DBF4: variants seen among roughly 807,000 people sequenced by gnomAD.
DBF4 encodes the protein DBF4-CDC7 kinase regulatory subunit.
DBF4 carries 25 observed loss-of-function variants against 76.6 expected under a neutral mutation model. The observed-to-expected ratio is 0.33, with a 90% confidence interval of 0.24 to 0.46. The LOEUF (loss-of-function observed/expected upper bound fraction) is 0.46. Among genes scored for constraint, DBF4 ranks in the 20% least tolerant of loss-of-function variants. DBF4 has a pLI of 1.00. For synonymous variants in DBF4, 213 were observed against 258.0 expected, an observed-to-expected ratio of 0.83 and a Z score of 1.67; for missense variants, 638 against 760.8, an observed-to-expected ratio of 0.84 and a Z score of 1.90.
intron 4 of DBF4, 55 bp from the exon 5 acceptor site, chr7:87,887,274 T>G (rs921415114): frequency 8.7e-6 from 11 of 1,261,672 alleles, no homozygotes; most frequent in Middle Eastern, 2.0e-4. Flanking sequence ...TTTATTAAAA[T>G]TTAGCTCATC....
At chr7:87,899,029 A>G (rs2131068870) in intron 8 of DBF4, among the ~76,000 whole-genome samples, 1 of 152,276 alleles carries the variant, frequency 6.6e-6, no homozygotes, top group Non-Finnish European at 1.5e-5. Context: ...TGTTGAGAAA[A>G]CTAGATATAC....
chr7:87,893,472 C>T (rs1309704075), intron 6 of DBF4, among the ~76,000 whole-genome samples: 1 of 151,702 alleles, frequency 6.6e-6, no homozygotes, highest in East Asian at 1.9e-4. Flanking sequence ...GTCTCGATCT[C>T]CTGACCTCAT....
intron 11 of DBF4, among the ~76,000 whole-genome samples, chr7:87,905,545 C>T (rs1053661944): frequency 1.3e-5 from 2 of 152,106 alleles, no homozygotes; most frequent in Non-Finnish European, 2.9e-5. Flanking sequence ...CAGTACTGCT[C>T]AATGTACACC....
At chr7:87,886,535 CAAAAAAAAAAAAAA>C (rs11411808) in intron 3 of DBF4, among the ~76,000 whole-genome samples, 1 of 54,238 alleles carries the variant, frequency 1.8e-5, no homozygotes, top group Non-Finnish European at 3.5e-5. Context: ...ACTTTGTCTC[CAAAAAAAAAAAAAA>C]AAAAAAAAAG....
Position 87,876,641 on chromosome 7 carries a change from G to A in DBF4, c.-92G>A. On this transcript the variant is annotated 5_prime_UTR_variant, in exon 1 of 12. Coordinates refer to ENST00000265728, the MANE Select transcript of DBF4 (RefSeq NM_006716.4). ...AGCTGGCGGAAGGAGAGAGGCGGCC[G>A]TCCTGTCAACAGGCCGGGGGAAGCC... 1 of 1,420,534 alleles carries A rather than the reference G, an allele frequency of 7.0e-7. No homozygotes were observed. The highest frequency in any genetic ancestry group is 9.8e-7 in the Non-Finnish European group (1 of 1,023,988). 88.0% of individuals were successfully genotyped at this position (1,420,534 alleles called of 1,614,324 possible).
At chr7:87,888,507 A>T in intron 6 of DBF4, 2 of 171,090 alleles carry the variant, frequency 1.2e-5, no homozygotes, top group Non-Finnish European at 2.3e-5. Flanking sequence ...ATTGGTTGTT[A>T]ACGTTCTGTT....
Position 87,908,049 on chromosome 7 carries a change from C to T in DBF4, c.1911C>T (p.Tyr637=). 1 of 1,613,702 alleles carries T rather than the reference C, an allele frequency of 6.2e-7. No homozygotes were observed. The highest frequency in any genetic ancestry group is 2.2e-5 in the East Asian group (1 of 44,840). ...CAGAATTTTTGGGTTTCACAAGCTA[C>T]ACAGAAAAGAGTGGTATATGCAATG... ...EKSEFLGFTS[Y]TEKSGICNVL... The change falls in exon 12 of 12, where the codon TAC becomes TAT. Residue 637 remains tyrosine, a synonymous_variant. Transcript: ENST00000265728.
chr7:87,878,282 C>T, intron 2 of DBF4, 57 bp downstream of exon 2: 5 of 1,341,876 alleles, frequency 3.7e-6, no homozygotes, highest in Non-Finnish European at 5.1e-6. Context: ...GTACTTTCTA[C>T]TGTGTAATCA....
chr7:87,887,654 A>T (rs1447801460), intron 5 of DBF4, among the ~76,000 whole-genome samples: 1 of 152,192 alleles, frequency 6.6e-6, no homozygotes, highest in Non-Finnish European at 1.5e-5. Context: ...GACTCTGCAG[A>T]GTCTTGAGGC....
In DBF4 at chr7:87,878,150, A is replaced by G; in HGVS notation, c.144A>G (p.Gly48=). 6.2e-7 allele frequency: 1 copy of G among 1,613,390 alleles called. No individual in the cohort carries two copies. The highest frequency in any genetic ancestry group is 8.5e-7 in the Non-Finnish European group (1 of 1,179,730). ...PEKSKCKPLW[G]KVFYLDLPSV... The stretch of plus-strand genomic sequence containing the variant: ...AATCCAAATGTAAGCCACTTTGGGG[A>G]AAAGTATTTTACCTTGACTTACCTT... The change falls in exon 2 of 12, where the codon GGA becomes GGG. Residue 48 remains glycine (G), a synonymous_variant. Transcript: ENST00000265728.
intron 6 of DBF4, among the ~76,000 whole-genome samples, chr7:87,891,787 C>T (rs1474740686): frequency 3.3e-5 from 5 of 152,024 alleles, no homozygotes; most frequent in African/African-American, 9.7e-5. Flanking sequence ...GATTTCTGCT[C>T]TTATTTCTTT....
chr7:87,895,841 C>G (rs183911001), intron 6 of DBF4, among the ~76,000 whole-genome samples: 1 of 152,128 alleles, frequency 6.6e-6, no homozygotes, highest in Non-Finnish European at 1.5e-5. Context: ...CAGGGCAGAA[C>G]TGTGGGAGAA....
rs1205477391 is a variant in DBF4, at chr7:87,907,444, A to G, written c.1306A>G (p.Met436Val). Residue 436 changes from methionine to valine, a missense_variant, in exon 12 of 12, where the codon ATG (methionine) becomes GTG (valine). Physicochemically the swap from Met to Val is conservative, Grantham distance 21. Transcript: ENST00000265728. ...TGAGAAAATGAGTAATAAATGTTCC[A>G]TGTTAAGTACAGCTGAAGATGACAT... ...LNEKMSNKCS[M>V]LSTAEDDIRQ... is the part of the protein sequence containing the mutation. 5 of 1,613,972 alleles carry G rather than the reference A, an allele frequency of 3.1e-6. No individual in the cohort carries two copies. Among genetic ancestry groups the G allele is most frequent in the Non-Finnish European group, 4.2e-6 (5 of 1,179,972 alleles).
intron 4 of DBF4, 122 bp downstream of exon 4, chr7:87,887,016 A>G (rs959582227): frequency 4.3e-6 from 3 of 690,410 alleles, no homozygotes; most frequent in East Asian, 2.8e-5. Flanking sequence ...ATCTCAGCAT[A>G]TATTTTATTT....
At chr7:87,886,292 G>A (rs1281160061) in intron 3 of DBF4, among the ~76,000 whole-genome samples, 1 of 152,050 alleles carries the variant, frequency 6.6e-6, no homozygotes, top group Admixed American at 6.5e-5. Context: ...CAGCACTTTG[G>A]GAGGCTGAGG....
At chr7:87,891,487 T>C (rs1025880819) in intron 6 of DBF4, among the ~76,000 whole-genome samples, 1 of 152,174 alleles carries the variant, frequency 6.6e-6, no homozygotes, top group Non-Finnish European at 1.5e-5. Flanking sequence ...ATTCAGGTTA[T>C]TTTCTCTTCA....
In DBF4 at chr7:87,878,236, AC is replaced by A. The variant is rs751056658; in HGVS notation, c.219+13del. On this transcript the variant is annotated intron_variant, in intron 2 of 11. Transcript: ENST00000265728. The stretch of plus-strand genomic sequence containing the variant: ...AAGGATCTGGGAGGGGTAAGTGAAA[AC>A]CGTACACTGGCATAGAAGGAAAAAT... The A allele has an allele frequency of 7.3e-5, 117 of 1,597,384 alleles. No individual in the cohort carries two copies. The highest frequency in any genetic ancestry group is 9.5e-5 in the Non-Finnish European group (111 of 1,173,722).
intron 8 of DBF4, 142 bp from the exon 9 acceptor site, chr7:87,900,079 T>G: frequency 1.4e-6 from 1 of 699,866 alleles, no homozygotes. Context: ...TTGTTAGGCC[T>G]GAAATTGATT....
In DBF4 at chr7:87,908,933, G is replaced by A. The variant is rs1839977072; in HGVS notation, c.*770G>A. 1 of 152,238 alleles carries A rather than the reference G, an allele frequency of 6.6e-6. No homozygotes were observed. Among genetic ancestry groups the A allele is most frequent in the Non-Finnish European group, 1.5e-5 (1 of 68,086 alleles). The allele number at this position is 152,238 out of a possible 1,614,324, so 9.4% of individuals were successfully genotyped here. A position where few individuals can be genotyped will look rare whatever the true frequency, so the allele number is the denominator to read the frequency against. On this transcript the variant is annotated 3_prime_UTR_variant, in exon 12 of 12. Transcript: ENST00000265728. Reference sequence around the variant, plus strand: ...TGTCTACTAAAAATACAAAAAATTAGCTGGGCATGGCGGCATGCGCCTGTA... The same window carrying A: ...TGTCTACTAAAAATACAAAAAATTAACTGGGCATGGCGGCATGCGCCTGTA...
Sources: gnomAD v4.1 joint callset for allele counts (sites outside exome capture counted in the v4.1 genomes callset) on GRCh38, gnomAD v4.1.1 for gene constraint, MANE v1.5 for transcripts, NCBI Gene and HGNC (gene_info 2026-07-23, HGNC 2026-07-21) for gene names.